Variants in NF2 observed in about 807,000 individuals in gnomAD.
NF2 encodes NF2, moesin-ezrin-radixin like (MERLIN) tumor suppressor, also known as merlin.
Under a neutral mutation model 83.7 loss-of-function variants are expected in NF2, and 8 were observed. The ratio of observed to expected loss-of-function variants is 0.10; its 90% CI spans 0.06 to 0.17. The LOEUF (loss-of-function observed/expected upper bound fraction) is 0.17, where lower values mean the gene tolerates loss of function less well. NF2 is among the 10% of genes least tolerant of loss of function. The probability of loss-of-function intolerance (pLI) is 1.00; values close to 1 mark genes in which losing one functional copy is unlikely to be tolerated. For synonymous variants in NF2, 266 were observed against 269.6 expected (o/e 0.99, Z 0.13); for missense variants, 533 against 744.4 (o/e 0.72, Z 3.31).
chr22:29,625,149 G>A (rs1265567582), intron 1 of NF2, among the ~76,000 whole-genome samples: 1 of 151,918 alleles, frequency 6.6e-6, no homozygotes, highest in Admixed American at 6.6e-5. Flanking sequence ...GGATGGTCTC[G>A]ATCTCTTGAC....
chr22:29,607,662 C>CA (rs2064834053), intron 1 of NF2, among the ~76,000 whole-genome samples: 1 of 152,042 alleles, frequency 6.6e-6, no homozygotes, highest in African/African-American at 2.4e-5. Flanking sequence ...AAAAAGCTGG[C>CA]AGCAGCAACT....
At chr22:29,658,095 G>A (rs974248749) in intron 6 of NF2, 94 bp from the exon 7 acceptor site, 1 of 1,145,204 alleles carries the variant, frequency 8.7e-7, no homozygotes, top group Non-Finnish European at 1.3e-6. Flanking sequence ...TGGCTCTAGA[G>A]GAATGGCAGG....
At chr22:29,669,837 C>T (rs893161730) in intron 10 of NF2, among the ~76,000 whole-genome samples, 1 of 152,194 alleles carries the variant, frequency 6.6e-6, no homozygotes, top group Non-Finnish European at 1.5e-5. Flanking sequence ...TTTTCTCATC[C>T]ATCAGGTGAA....
chr22:29,627,598 G>A (rs576622550), intron 1 of NF2, among the ~76,000 whole-genome samples: 1 of 152,260 alleles, frequency 6.6e-6, no homozygotes, highest in African/African-American at 2.4e-5. Flanking sequence ...ACTTGTGTGT[G>A]GTTGAGGCAG....
chr22:29,645,834 G>T (rs1340780741), intron 4 of NF2, among the ~76,000 whole-genome samples: 1 of 152,164 alleles, frequency 6.6e-6, no homozygotes, highest in African/African-American at 2.4e-5. Context: ...AATTTGGATC[G>T]TACTAATTTG....
rs1601666509 is a variant in NF2, at chr22:29,681,585, A to C, written c.1721A>C (p.His574Pro). 2 of 1,614,130 alleles carry C rather than the reference A, an allele frequency of 1.2e-6. No individual in the cohort carries two copies. The highest frequency in any genetic ancestry group is 1.7e-6 in the Non-Finnish European group (2 of 1,180,020). ...TCCGACAGGGGTGGCAGCAGCAAGCACAATACCATTAAAAAGGTACCCAGG... is the reference window on the plus strand; with the variant it reads ...TCCGACAGGGGTGGCAGCAGCAAGCCCAATACCATTAAAAAGGTACCCAGG... ...ENSDRGGSSK[H>P]NTIKKLTLQS... The change falls in exon 15 of 16, where the codon CAC becomes CCC. Residue 574 changes from histidine (H) to proline (P), a missense_variant. Physicochemically the swap from His to Pro is moderately conservative, Grantham distance 77 (BLOSUM62 -2). Transcript: ENST00000338641.
chr22:29,643,384 C>T (rs1601591580), intron 4 of NF2, among the ~76,000 whole-genome samples: 1 of 151,814 alleles, frequency 6.6e-6, no homozygotes, highest in South Asian at 2.1e-4. Context: ...GGAAGGTCAG[C>T]AGATAAACAA....
chr22:29,635,833 A>C (rs983761738), intron 1 of NF2, among the ~76,000 whole-genome samples: 1 of 151,972 alleles, frequency 6.6e-6, no homozygotes, highest in Non-Finnish European at 1.5e-5. Flanking sequence ...TCGAGTTTGT[A>C]TTTGAATGTC....
chr22:29,698,274 C>A lies in NF2; in HGVS notation c.*3472C>A. On this transcript the variant is annotated 3_prime_UTR_variant, in exon 16 of 16. Coordinates refer to ENST00000338641, the MANE Select transcript of NF2 (RefSeq NM_000268.4). ...TTTTGGGGACAGGTTTCTCTCTTTC[C>A]CTCTCTTTTTTTTGTCAAAAGCCCA... 1 of 227,356 alleles carries A rather than the reference C, an allele frequency of 4.4e-6. No individual in the cohort carries two copies. The highest frequency in any genetic ancestry group is 8.7e-6 in the Non-Finnish European group (1 of 114,350). The allele number at this position is 227,356 out of a possible 1,614,324, so 14.1% of individuals were successfully genotyped here. A position where few individuals can be genotyped will look rare whatever the true frequency, so the allele number is the denominator to read the frequency against.
chr22:29,615,975 T>C (rs1473482845), intron 1 of NF2, among the ~76,000 whole-genome samples: 1 of 152,214 alleles, frequency 6.6e-6, no homozygotes, highest in African/African-American at 2.4e-5. Context: ...ATCCTTACTA[T>C]GGAATTACTT....
chr22:29,669,589 C>T (rs1469115256), intron 10 of NF2, among the ~76,000 whole-genome samples: 1 of 152,016 alleles, frequency 6.6e-6, no homozygotes, highest in African/African-American at 2.4e-5. Flanking sequence ...TTTCTTTGAC[C>T]TTTTTCTTAG....
chr22:29,671,833 G>A lies in NF2; in HGVS notation c.1007G>A (p.Arg336Gln), dbSNP rs587778554. The stretch of plus-strand genomic sequence containing the variant: ...TTTCTTCACCCCTCGCAGATGGAGC[G>A]GCAGCGCCTCGCTCGAGAGAAGCAG... ...REEKARKQME[R>Q]QRLAREKQMR... The change falls in exon 11 of 16, where the codon CGG (arginine) becomes CAG (glutamine). Residue 336 changes from arginine (R) to glutamine (Q), a missense_variant. By Grantham distance (43) the Arg-to-Gln change is conservative. Coordinates refer to ENST00000338641, the MANE Select transcript of NF2 (RefSeq NM_000268.4). 6.2e-6 allele frequency: 10 copies of A among 1,613,976 alleles called. No individual in the cohort carries two copies. The highest frequency in any genetic ancestry group is 7.6e-6 in the Non-Finnish European group (9 of 1,179,934).
At chr22:29,682,099 A>G (rs1301450981) in intron 15 of NF2, among the ~76,000 whole-genome samples, 1 of 152,148 alleles carries the variant, frequency 6.6e-6, no homozygotes, top group Non-Finnish European at 1.5e-5. Flanking sequence ...AGAAGACTTT[A>G]TTACTTTGCA....
chr22:29,694,903 G>A lies in NF2; in HGVS notation c.*101G>A. ...GCCATCCATAGGGAGCTGGCTGGGG[G>A]TTTCCGTGGGAGCTCCAGAACTTTC... is the stretch of plus-strand genomic sequence containing the variant. On this transcript the variant is annotated 3_prime_UTR_variant, in exon 16 of 16. Transcript: ENST00000338641. This position sits in a 1 kb window ranked among gnomAD's most constrained non-coding sequence, Gnocchi z 4.1. 8.0e-7 allele frequency: 1 copy of A among 1,245,700 alleles called. No individual in the cohort carries two copies. Among genetic ancestry groups the A allele is most frequent in the African/African-American group, 1.5e-5 (1 of 67,218 alleles). 77.2% of individuals were successfully genotyped at this position (1,245,700 alleles called of 1,614,324 possible).
At chr22:29,656,736 G>T (rs1229752302) in intron 6 of NF2, among the ~76,000 whole-genome samples, 1 of 152,070 alleles carries the variant, frequency 6.6e-6, no homozygotes, top group Non-Finnish European at 1.5e-5. Flanking sequence ...AACAAGAGTT[G>T]TTGGGACAAA....
At chr22:29,619,614 C>G (rs2065163553) in intron 1 of NF2, among the ~76,000 whole-genome samples, 1 of 151,842 alleles carries the variant, frequency 6.6e-6, no homozygotes, top group Non-Finnish European at 1.5e-5. Flanking sequence ...TCAGGCTGGT[C>G]TTGAACTCCT....
chr22:29,680,904 A>G (rs1245636994), intron 14 of NF2, among the ~76,000 whole-genome samples: 1 of 151,666 alleles, frequency 6.6e-6, no homozygotes, highest in Non-Finnish European at 1.5e-5. Context: ...GGGTTGAGAC[A>G]AGGAGATTGT....
chr22:29,625,625 A>G (rs1472769075), intron 1 of NF2, among the ~76,000 whole-genome samples: 1 of 152,220 alleles, frequency 6.6e-6, no homozygotes, highest in African/African-American at 2.4e-5. Context: ...CTAAATCCAC[A>G]TGTTTAGGAC....
At chr22:29,641,121 G>A (rs896837925) in intron 3 of NF2, among the ~76,000 whole-genome samples, 11 of 152,150 alleles carry the variant, frequency 7.2e-5, no homozygotes, top group African/African-American at 2.2e-4. Flanking sequence ...CAACCAGAGT[G>A]AAACTCCTTC....
Sources: gnomAD v4.1 joint callset for allele counts (sites outside exome capture counted in the v4.1 genomes callset) on GRCh38, gnomAD v4.1.1 for gene constraint, Gnocchi (gnomAD v3.1) non-coding constraint, MANE v1.5 for transcripts, NCBI Gene and HGNC (gene_info 2026-07-23, HGNC 2026-07-21) for gene names.